SGCD: variants seen among roughly 807,000 people sequenced by gnomAD.
The protein encoded by SGCD is delta-sarcoglycan.
In SGCD, 18 loss-of-function variants were observed where a neutral mutation model predicts 36.6. The observed-to-expected ratio is 0.49, with a 90% CI of 0.34 to 0.73. The LOEUF is 0.73. SGCD is among the 30% of genes least tolerant of loss of function. SGCD has a pLI of 0.01. For missense variants in SGCD, 387 were observed against 346.7 expected, an observed-to-expected ratio of 1.12 and a Z score of -0.92; for synonymous variants, 133 against 130.6, an observed-to-expected ratio of 1.02 and a Z score of -0.12.
intron 3 of SGCD, among the ~76,000 whole-genome samples, chr5:156,225,818 A>T (rs192617729): frequency 1.2e-4 from 18 of 148,570 alleles, no homozygotes; most frequent in South Asian, 2.1e-4. Flanking sequence ...AATAAATATT[A>T]AAAAAAAAAC....
chr5:156,334,958 G>A (rs1452654447), intron 2 of SGCD, among the ~76,000 whole-genome samples: 1 of 152,148 alleles, frequency 6.6e-6, no homozygotes, highest in African/African-American at 2.4e-5. Flanking sequence ...GTGAGTAATG[G>A]AGAGAAAACC....
chr5:156,204,409 A>AAT (rs905757677), intron 3 of SGCD, among the ~76,000 whole-genome samples: 1 of 151,654 alleles, frequency 6.6e-6, no homozygotes, highest in African/African-American at 2.4e-5. Flanking sequence ...GGGTGATACA[A>AAT]ATATATATAT....
At chr5:156,655,771 A>G (rs746623137) in intron 7 of SGCD, among the ~76,000 whole-genome samples, 2 of 152,238 alleles carry the variant, frequency 1.3e-5, no homozygotes, top group African/African-American at 2.4e-5. Context: ...TAAATTCATG[A>G]TCTTAAACTA....
chr5:156,722,206 TA>T (rs1039661783), intron 7 of SGCD, among the ~76,000 whole-genome samples: 4 of 152,156 alleles, frequency 2.6e-5, no homozygotes, highest in Non-Finnish European at 4.4e-5. Context: ...TCTTTTTTAT[TA>T]AGTAGATCAA....
At chr5:155,761,673 A>G in the SGCD span, among the ~76,000 whole-genome samples, 1 of 143,240 alleles carries the variant, frequency 7.0e-6, no homozygotes, top group African/African-American at 2.8e-5. Flanking sequence ...TCTCTCCATC[A>G]TCATCTCCAT....
At chr5:156,748,469 G>C (rs1015296002) in intron 7 of SGCD, among the ~76,000 whole-genome samples, 1 of 151,828 alleles carries the variant, frequency 6.6e-6, no homozygotes. Flanking sequence ...ATGTGTCCAA[G>C]GCAAATAACA....
At position 156,647,538 on chromosome 5, in the gene SGCD, TA is replaced by T; in HGVS notation, c.575+5del. ...GGCAGACCCCTTCAAAGAACTAAGG[TA>T]AACTTCTGACTTTGGTTTGCATTGA... On this transcript the variant is annotated splice_donor_region_variant and intron_variant, in intron 7 of 8. Transcript: ENST00000337851. The T allele has an allele frequency of 6.4e-7, 1 of 1,566,008 alleles. No individual in the cohort carries two copies. The highest frequency in any genetic ancestry group is 8.7e-7 in the Non-Finnish European group (1 of 1,151,698).
intron 3 of SGCD, among the ~76,000 whole-genome samples, chr5:156,161,280 GA>G (rs1249351409): frequency 6.6e-6 from 1 of 151,750 alleles, no homozygotes; most frequent in Admixed American, 6.6e-5. Context: ...TGGAGAACAA[GA>G]AAAGCTTTAT....
At chr5:156,578,715 G>T (rs989932548) in intron 4 of SGCD, among the ~76,000 whole-genome samples, 3 of 152,298 alleles carry the variant, frequency 2.0e-5, no homozygotes, top group East Asian at 1.9e-4. Flanking sequence ...AGTGTTTATA[G>T]TATTCTCTGA....
intron 3 of SGCD, among the ~76,000 whole-genome samples, chr5:156,498,262 CAAA>C (rs34586524): frequency 1.9e-5 from 2 of 102,924 alleles, no homozygotes; most frequent in African/African-American, 6.7e-5. Flanking sequence ...ATTTCTCTTA[CAAA>C]AAAAAAAAAA....
At chr5:155,793,847 C>T in the SGCD span, among the ~76,000 whole-genome samples, 1 of 150,922 alleles carries the variant, frequency 6.6e-6, no homozygotes, top group Non-Finnish European at 1.5e-5. Context: ...CCGCGCTCAT[C>T]CAAAATGTCA....
intron 4 of SGCD, among the ~76,000 whole-genome samples, chr5:156,564,253 T>C (rs1759385229): frequency 1.3e-5 from 2 of 152,174 alleles, no homozygotes; most frequent in Admixed American, 1.3e-4. Context: ...ATCAAGACCA[T>C]CTTGGCTAAC....
intron 3 of SGCD, among the ~76,000 whole-genome samples, chr5:156,356,345 G>T (rs1769489846): frequency 6.6e-6 from 1 of 152,166 alleles, no homozygotes; most frequent in African/African-American, 2.4e-5. Flanking sequence ...ACATGTGTGG[G>T]TGGTTGATGC....
chr5:155,992,199 A>G (rs1224649245), intron 1 of SGCD, among the ~76,000 whole-genome samples: 1 of 152,212 alleles, frequency 6.6e-6, no homozygotes, highest in Non-Finnish European at 1.5e-5. Context: ...TCAGATAGAT[A>G]TAGACCTCTT....
At chr5:156,029,893 C>T (rs1370405292) in intron 1 of SGCD, among the ~76,000 whole-genome samples, 1 of 152,142 alleles carries the variant, frequency 6.6e-6, no homozygotes, top group South Asian at 2.1e-4. Flanking sequence ...TCTTTTCTCT[C>T]TGTCTCCAAA....
At chr5:155,911,126 C>T (rs1420097170) in intron 1 of SGCD, among the ~76,000 whole-genome samples, 1 of 152,066 alleles carries the variant, frequency 6.6e-6, no homozygotes, top group Non-Finnish European at 1.5e-5. Flanking sequence ...CAATCTTTAA[C>T]ATCTGGGATT....
intron 7 of SGCD, among the ~76,000 whole-genome samples, chr5:156,743,910 T>A (rs1260882311): frequency 6.7e-6 from 1 of 150,196 alleles, no homozygotes; most frequent in Non-Finnish European, 1.5e-5. Flanking sequence ...AAGATTATGT[T>A]CCTTCTTCCT....
intron 7 of SGCD, among the ~76,000 whole-genome samples, chr5:156,724,420 C>T (rs540998166): frequency 9.9e-5 from 15 of 152,158 alleles, no homozygotes; most frequent in Admixed American, 3.9e-4. Flanking sequence ...CTGGCTAACA[C>T]GGTGAAACCC....
intron 2 of SGCD, among the ~76,000 whole-genome samples, chr5:156,335,714 G>A (rs969062309): frequency 1.3e-5 from 2 of 152,044 alleles, no homozygotes; most frequent in African/African-American, 4.8e-5. Flanking sequence ...GTACCCTTGT[G>A]CAACTGGCTG....
Sources: gnomAD v4.1 joint callset for allele counts (sites outside exome capture counted in the v4.1 genomes callset) on GRCh38, gnomAD v4.1.1 for gene constraint, MANE v1.5 for transcripts, NCBI Gene and HGNC (gene_info 2026-07-23, HGNC 2026-07-21) for gene names.